PPP1R12A: variants seen among roughly 807,000 people sequenced by gnomAD.
PPP1R12A encodes myosin binding subunit.
A neutral mutation model predicts 139.6 loss-of-function variants in PPP1R12A; 19 were observed. The observed-to-expected ratio is 0.14, with a 90% CI of 0.09 to 0.20. The LOEUF is 0.20. Among genes scored for constraint, PPP1R12A ranks in the 10% least tolerant of loss-of-function variants. The pLI is 1.00. For synonymous variants in PPP1R12A, 427 were observed against 420.6 expected, an observed-to-expected ratio of 1.02 and a Z score of -0.19; for missense variants, 925 against 1,211.5, an observed-to-expected ratio of 0.76 and a Z score of 3.51.
At position 79,809,946 on chromosome 12, in the gene PPP1R12A, G is replaced by C. The variant is rs749147793; in HGVS notation, c.1304C>G (p.Thr435Ser). ...CGTCTTTCTAAGTCCTAACCTCCAA[G>C]TTGCAGGAGACTCATCTTTTCTCTC... ...EEERKDESPA[T>S]WRLGLRKTGS... The change falls in exon 10 of 25, where the codon ACT becomes AGT. Residue 435 changes from threonine (T) to serine (S), a missense_variant. Physicochemically the swap from Thr to Ser is moderately conservative, Grantham distance 58. Coordinates refer to ENST00000450142, the MANE Select transcript of PPP1R12A (RefSeq NM_002480.3). 1 of 1,613,474 alleles carries C rather than the reference G, an allele frequency of 6.2e-7. No homozygotes were observed. Among genetic ancestry groups the C allele is most frequent in the African/African-American group, 1.3e-5 (1 of 74,900 alleles).
At chr12:79,859,383 G>A (rs1404871528) in intron 2 of PPP1R12A, among the ~76,000 whole-genome samples, 1 of 149,504 alleles carries the variant, frequency 6.7e-6, no homozygotes, top group Non-Finnish European at 1.5e-5. Flanking sequence ...CAGTGCTCAG[G>A]ATCAAAGAGA....
intron 1 of PPP1R12A, among the ~76,000 whole-genome samples, chr12:79,874,065 C>G (rs1214197992): frequency 6.6e-6 from 1 of 152,110 alleles, no homozygotes; most frequent in Non-Finnish European, 1.5e-5. Flanking sequence ...CACCTGAGGT[C>G]AGGAGTTCGA....
rs1565800193 is a variant in PPP1R12A, at chr12:79,890,900, C to CA, written c.238-17963_238-17962insT. 5.1e-3 allele frequency among the ~76,000 whole-genome samples: 323 copies of CA among 62,994 alleles called. 2 individuals are homozygous for CA. Among genetic ancestry groups the CA allele is most frequent in the East Asian group, 0.048 (62 of 1,304 alleles). The allele number at this position is 62,994 out of a possible 152,430, so 41.3% of individuals were successfully genotyped here. On this transcript the variant is annotated intron_variant, in intron 1 of 24. Transcript: ENST00000450142. ...AATACACACACACCACCCACCCACA[C>CA]CCACCCACACACACACACACACACA...
intron 2 of PPP1R12A, among the ~76,000 whole-genome samples, chr12:79,849,174 A>C (rs1879753616): frequency 6.6e-6 from 1 of 152,188 alleles, no homozygotes; most frequent in Non-Finnish European, 1.5e-5. Context: ...ATCTGAGGTC[A>C]GAAGTTCGAG....
chr12:79,797,775 A>G (rs1872657347), intron 15 of PPP1R12A, among the ~76,000 whole-genome samples: 1 of 152,168 alleles, frequency 6.6e-6, no homozygotes, highest in African/African-American at 2.4e-5. Context: ...AGAGATTTCG[A>G]TAAATTTTTC....
At chr12:79,839,108 T>C (rs1457761297) in intron 3 of PPP1R12A, among the ~76,000 whole-genome samples, 1 of 152,194 alleles carries the variant, frequency 6.6e-6, no homozygotes, top group East Asian at 1.9e-4. Context: ...TACATCAGCA[T>C]GACCTGGATG....
At chr12:79,919,725 G>A (rs1350573689) in intron 1 of PPP1R12A, among the ~76,000 whole-genome samples, 1 of 152,098 alleles carries the variant, frequency 6.6e-6, no homozygotes, top group Non-Finnish European at 1.5e-5. Context: ...TAGGGCAGGG[G>A]CAATGTCTGG....
intron 1 of PPP1R12A, chr12:79,914,031 ACT>A (rs1480827333): frequency 6.6e-6 from 1 of 152,020 alleles, no homozygotes; most frequent in African/African-American, 2.4e-5. Context: ...AAACGATGCC[ACT>A]CTTTTTGTTT....
At chr12:79,850,123 A>T (rs1266125735) in intron 2 of PPP1R12A, among the ~76,000 whole-genome samples, 2 of 152,186 alleles carry the variant, frequency 1.3e-5, no homozygotes, top group African/African-American at 4.8e-5. Flanking sequence ...TTAAATTCTT[A>T]ACAAATTGTA....
intron 1 of PPP1R12A, among the ~76,000 whole-genome samples, chr12:79,927,619 C>A (rs189157889): frequency 3.9e-5 from 6 of 152,252 alleles, no homozygotes; most frequent in Admixed American, 2.6e-4. Context: ...AAAGAAGATA[C>A]CTGGCATAGG....
Position 79,914,684 on chromosome 12 carries a change from T to C in PPP1R12A, c.237+20011A>G, listed in dbSNP as rs546667445. On this transcript the variant is annotated intron_variant, in intron 1 of 24. Transcript: ENST00000450142. ...GCCCCATCAGCCACCATTGATGACC[T>C]TGTATGATACATGAATAACCTGAGA... 3.3e-5 allele frequency among the ~76,000 whole-genome samples: 5 copies of C among 152,206 alleles called. No homozygotes were observed. The East Asian group carries it at 5.8e-4, about 18-fold the overall frequency.
In PPP1R12A at chr12:79,845,427, A is replaced by C; in HGVS notation, c.369-7T>G. On this transcript the variant is annotated splice_region_variant and splice_polypyrimidine_tract_variant and intron_variant, in intron 2 of 24. Transcript: ENST00000450142. ...TCCTTGACCAATCAAAAACCTGTAA[A>C]ACCAAAGGAAAAATAGTTAAGCAAA... The C allele has an allele frequency of 6.4e-7, 1 of 1,574,238 alleles. No individual in the cohort carries two copies. The highest frequency in any genetic ancestry group is 8.7e-7 in the Non-Finnish European group (1 of 1,150,742).
Position 79,774,388 on chromosome 12 carries a change from C to CTTT in PPP1R12A, c.*1538_*1540dup, listed in dbSNP as rs1184560079. 1 of 152,402 alleles carries CTTT rather than the reference C, an allele frequency of 6.6e-6. No individual in the cohort carries two copies. Among genetic ancestry groups the CTTT allele is most frequent in the Non-Finnish European group, 1.5e-5 (1 of 67,956 alleles). The allele number at this position is 152,402 out of a possible 1,614,324, so 9.4% of individuals were successfully genotyped here. On this transcript the variant is annotated 3_prime_UTR_variant, in exon 25 of 25. Coordinates refer to ENST00000450142, the MANE Select transcript of PPP1R12A (RefSeq NM_002480.3). ...AAAATAGGCAGTAGAACACAATGAC[C>CTTT]TTTTAAAATGAAGGGGTACAAATTC...
intron 3 of PPP1R12A, among the ~76,000 whole-genome samples, chr12:79,839,988 T>C (rs1215654823): frequency 1.3e-5 from 2 of 152,242 alleles, no homozygotes; most frequent in Non-Finnish European, 2.9e-5. Flanking sequence ...AGATATGCTA[T>C]ATAAATTTAT....
chr12:79,914,858 TTA>T (rs1491361799), intron 1 of PPP1R12A, among the ~76,000 whole-genome samples: 4 of 144,908 alleles, frequency 2.8e-5, no homozygotes, highest in African/African-American at 1.0e-4. Flanking sequence ...TGGTTTTCTA[TTA>T]AAAAAAAAAA....
intron 9 of PPP1R12A, among the ~76,000 whole-genome samples, chr12:79,813,286 C>T (rs1405669077): frequency 6.6e-6 from 1 of 152,132 alleles, no homozygotes; most frequent in East Asian, 1.9e-4. Flanking sequence ...TCCCTTTCAA[C>T]AAGGTTTACA....
chr12:79,837,408 T>C (rs1878213096), intron 3 of PPP1R12A, among the ~76,000 whole-genome samples: 1 of 152,150 alleles, frequency 6.6e-6, no homozygotes. Flanking sequence ...TCAAAGGCAA[T>C]TTATTTAAGC....
chr12:79,929,522 T>G (rs1364832635), intron 1 of PPP1R12A, among the ~76,000 whole-genome samples: 1 of 152,072 alleles, frequency 6.6e-6, no homozygotes, highest in Non-Finnish European at 1.5e-5. Flanking sequence ...TCCTAGCACT[T>G]TGGGAGGCCA....
At chr12:79,782,558 G>C (rs1247236267) in intron 22 of PPP1R12A, 8 of 454,864 alleles carry the variant, frequency 1.8e-5, no homozygotes, top group Admixed American at 1.4e-4. Context: ...AAGCACCTTG[G>C]GTTTTAGCCT....
Sources: gnomAD v4.1 joint callset for allele counts (sites outside exome capture counted in the v4.1 genomes callset) on GRCh38, gnomAD v4.1.1 for gene constraint, MANE v1.5 for transcripts, NCBI Gene and HGNC (gene_info 2026-07-23, HGNC 2026-07-21) for gene names.